The following C1QTNF3 variants were observed in gnomAD, a reference collection of about 807,000 sequenced individuals.
The protein encoded by C1QTNF3 is complement C1q tumor necrosis factor-related protein 3.
A neutral mutation model predicts 32.6 loss-of-function variants in C1QTNF3; 26 were observed. That is an observed-to-expected ratio of 0.80 (90% confidence interval 0.58 to 1.11). The LOEUF (loss-of-function observed/expected upper bound fraction) is 1.11, where lower values mean the gene tolerates loss of function less well. C1QTNF3 is among the 50% of genes least tolerant of loss of function. The probability of loss-of-function intolerance (pLI) is 0.00; values close to 1 mark genes in which losing one functional copy is unlikely to be tolerated. For missense variants in C1QTNF3, 362 were observed against 398.2 expected (o/e 0.91, Z 0.77); for synonymous variants, 155 against 146.0 (o/e 1.06, Z -0.44).
intron 3 of C1QTNF3, 71 bp from the exon 4 acceptor site, chr5:34,028,954 T>C: frequency 5.8e-6 from 8 of 1,386,102 alleles, no homozygotes; most frequent in Non-Finnish European, 8.1e-6. Flanking sequence ...TGCAGATTAG[T>C]TTGTTAAACA....
the C1QTNF3 span, among the ~76,000 whole-genome samples, chr5:34,125,997 C>A: frequency 6.6e-6 from 1 of 152,064 alleles, no homozygotes; most frequent in African/African-American, 2.4e-5. Flanking sequence ...TTTAATTTTT[C>A]TGAAAATATT....
At chr5:34,231,898 G>C in the C1QTNF3 span, among the ~76,000 whole-genome samples, 1 of 142,694 alleles carries the variant, frequency 7.0e-6, no homozygotes, top group African/African-American at 2.6e-5. Flanking sequence ...TAGTGCTTCA[G>C]ACCCCAGAAT....
At chr5:34,103,888 A>G in the C1QTNF3 span, among the ~76,000 whole-genome samples, 2 of 152,086 alleles carry the variant, frequency 1.3e-5, no homozygotes, top group African/African-American at 4.8e-5. Context: ...AACTTGAGTT[A>G]CTTCCTGCAT....
At chr5:34,176,781 C>A in the C1QTNF3 span, among the ~76,000 whole-genome samples, 1 of 151,962 alleles carries the variant, frequency 6.6e-6, no homozygotes, top group East Asian at 1.9e-4. Flanking sequence ...TGCTTCAGTC[C>A]CGGAGGTCAA....
chr5:34,159,833 T>TAA, the C1QTNF3 span, among the ~76,000 whole-genome samples: 1 of 143,546 alleles, frequency 7.0e-6, no homozygotes, highest in Non-Finnish European at 1.5e-5. Context: ...ATTAAAGCAT[T>TAA]AAAAAAAAAA....
the C1QTNF3 span, among the ~76,000 whole-genome samples, chr5:34,169,681 T>C: frequency 1.3e-5 from 2 of 152,162 alleles, no homozygotes; most frequent in Admixed American, 6.6e-5. Flanking sequence ...TTCTGTTTCC[T>C]GTGCTTTTGA....
At chr5:34,133,080 A>G in the C1QTNF3 span, among the ~76,000 whole-genome samples, 1 of 152,214 alleles carries the variant, frequency 6.6e-6, no homozygotes, top group Non-Finnish European at 1.5e-5. Flanking sequence ...TGAATGAGAC[A>G]TTTTATCACC....
chr5:34,115,235 C>T, the C1QTNF3 span, among the ~76,000 whole-genome samples: 618 of 152,224 alleles, frequency 4.1e-3, 3 homozygotes, highest in African/African-American at 0.014. Context: ...AGTAAGCAAT[C>T]TAAATGAGTA....
the C1QTNF3 span, among the ~76,000 whole-genome samples, chr5:34,134,026 G>A: frequency 1.3e-5 from 2 of 152,178 alleles, no homozygotes; most frequent in Non-Finnish European, 2.9e-5. Context: ...TATTTTAGCT[G>A]TGAATGACTT....
chr5:34,119,680 A>G, the C1QTNF3 span, among the ~76,000 whole-genome samples: 2 of 152,004 alleles, frequency 1.3e-5, no homozygotes, highest in Admixed American at 6.6e-5. Context: ...GCCTTTTCCA[A>G]CTTTGAGAGG....
chr5:34,082,997 T>C, the C1QTNF3 span, among the ~76,000 whole-genome samples: 3 of 151,640 alleles, frequency 2.0e-5, no homozygotes, highest in African/African-American at 4.9e-5. Context: ...CTAGCAGATA[T>C]TGAAACAAAA....
At chr5:34,219,300 T>C in the C1QTNF3 span, among the ~76,000 whole-genome samples, 1 of 151,708 alleles carries the variant, frequency 6.6e-6, no homozygotes, top group Non-Finnish European at 1.5e-5. Flanking sequence ...AAACTCTAAA[T>C]GAAAAATAAA....
In C1QTNF3 at chr5:34,043,209, G is replaced by T; in HGVS notation, c.-84C>A. ...TCTCCTCGGGCAGATGCCAGGACTGGAGCTGAGAGCTGCAGCGGCGGAGTG... is the reference window on the plus strand; with the variant it reads ...TCTCCTCGGGCAGATGCCAGGACTGTAGCTGAGAGCTGCAGCGGCGGAGTG... On this transcript the variant is annotated 5_prime_UTR_variant, in exon 1 of 6. Transcript: ENST00000382065. 7.2e-7 allele frequency: 1 copy of T among 1,384,618 alleles called. No homozygotes were observed. The highest frequency in any genetic ancestry group is 9.8e-7 in the Non-Finnish European group (1 of 1,019,812). 85.8% of individuals were successfully genotyped at this position (1,384,618 alleles called of 1,614,324 possible).
intron 1 of C1QTNF3, among the ~76,000 whole-genome samples, chr5:34,041,656 C>G (rs906850665): frequency 4.6e-5 from 7 of 152,062 alleles, no homozygotes; most frequent in Non-Finnish European, 1.0e-4. Flanking sequence ...AAGATAGGAT[C>G]ATATTTAGAG....
At chr5:34,158,903 T>C in the C1QTNF3 span, 3 of 152,060 alleles carry the variant, frequency 2.0e-5, no homozygotes, top group African/African-American at 4.8e-5. Flanking sequence ...CACTAGATTA[T>C]AGAAGAAATA....
the C1QTNF3 span, among the ~76,000 whole-genome samples, chr5:34,056,442 G>GTATA: frequency 1.9e-5 from 1 of 52,106 alleles, no homozygotes; most frequent in Non-Finnish European, 3.5e-5. Context: ...GTGTGTGTGT[G>GTATA]TGTGTGTGTG....
At chr5:34,044,020 T>C (rs1438217220), upstream of C1QTNF3, among the ~76,000 whole-genome samples, 1 of 152,140 alleles carries the variant, frequency 6.6e-6, no homozygotes, top group African/African-American at 2.4e-5. Flanking sequence ...GGTAGATCCC[T>C]TGAGCCCAGA....
chr5:34,202,052 A>G, the C1QTNF3 span, among the ~76,000 whole-genome samples: 1 of 152,202 alleles, frequency 6.6e-6, no homozygotes, highest in African/African-American at 2.4e-5. Flanking sequence ...AATCAACAAT[A>G]GCAAGACAGG....
chr5:34,056,454 G>GTGTGTGTATA, the C1QTNF3 span, among the ~76,000 whole-genome samples: 86 of 48,832 alleles, frequency 1.8e-3, no homozygotes, highest in Admixed American at 2.5e-3. Flanking sequence ...GTGTGTGTGT[G>GTGTGTGTATA]TATATATATA....
Sources: allele counts gnomAD v4.1 joint callset (sites outside exome capture counted in the v4.1 genomes callset), GRCh38; gene constraint gnomAD v4.1.1; transcripts MANE v1.5; gene names NCBI Gene and HGNC (gene_info 2026-07-23, HGNC 2026-07-21).